Variants in AVEN observed in about 807,000 individuals in gnomAD.
AVEN encodes the protein cell death regulator Aven.
In AVEN, 41 loss-of-function variants were observed where a neutral mutation model predicts 38.1. The observed-to-expected ratio is 1.08, with a 90% CI of 0.84 to 1.40. AVEN has a LOEUF of 1.40. AVEN is among the 40% of genes most tolerant of loss of function. The pLI, the probability that AVEN is intolerant of heterozygous loss-of-function variation, is 0.00. For synonymous variants in AVEN, 206 were observed against 171.8 expected, an observed-to-expected ratio of 1.20 and a Z score of -1.56; for missense variants, 605 against 438.8, an observed-to-expected ratio of 1.38 and a Z score of -3.38.
chr15:33,875,900 A>G, intron 3 of AVEN, 25 bp downstream of exon 3: 1 of 1,602,314 alleles, frequency 6.2e-7, no homozygotes, highest in Non-Finnish European at 8.5e-7. Flanking sequence ...GAGCCAGTCC[A>G]CACTTAACAC....
At chr15:33,940,757 G>C (rs1371465849) in intron 2 of AVEN, among the ~76,000 whole-genome samples, 1 of 152,088 alleles carries the variant, frequency 6.6e-6, no homozygotes. Context: ...GGCCAGGCTG[G>C]TCTCAAACTC....
chr15:33,999,348 C>T (rs1044628854), intron 2 of AVEN, among the ~76,000 whole-genome samples: 1 of 152,188 alleles, frequency 6.6e-6, no homozygotes, highest in Non-Finnish European at 1.5e-5. Flanking sequence ...CAACACAGCA[C>T]TACCTCAGTG....
intron 4 of AVEN, among the ~76,000 whole-genome samples, chr15:33,870,563 T>G (rs1890900834): frequency 6.6e-6 from 1 of 152,208 alleles, no homozygotes; most frequent in Admixed American, 6.5e-5. Context: ...TTGATTAATA[T>G]TCATCCTTCC....
intron 2 of AVEN, among the ~76,000 whole-genome samples, chr15:33,940,250 C>A (rs1439353809): frequency 6.6e-6 from 1 of 152,226 alleles, no homozygotes; most frequent in East Asian, 1.9e-4. Context: ...AAGTCTGCAG[C>A]TCAGTTTCCT....
At chr15:33,917,559 T>C (rs1893198041) in intron 2 of AVEN, among the ~76,000 whole-genome samples, 1 of 99,940 alleles carries the variant, frequency 1.0e-5, no homozygotes, top group African/African-American at 2.9e-5. Context: ...CACATGTGTA[T>C]GTATACACAC....
chr15:33,989,393 T>A (rs905495963), intron 2 of AVEN, among the ~76,000 whole-genome samples: 2 of 151,592 alleles, frequency 1.3e-5, no homozygotes, highest in Admixed American at 6.6e-5. Flanking sequence ...TCGTCACAAC[T>A]ACCCCTAGAT....
chr15:33,968,738 G>C (rs1377013546), intron 2 of AVEN: 1 of 152,044 alleles, frequency 6.6e-6, no homozygotes, highest in Admixed American at 6.6e-5. Context: ...GTTTTTTAAA[G>C]CAGCTTGATT....
At chr15:33,957,730 A>T (rs1895010880) in intron 2 of AVEN, among the ~76,000 whole-genome samples, 1 of 152,000 alleles carries the variant, frequency 6.6e-6, no homozygotes, top group Admixed American at 6.6e-5. Context: ...TATGAAAAAA[A>T]AAAAAGCCAG....
At chr15:33,865,111 CGTT>C (rs771271239), downstream of AVEN, 10 of 1,581,288 alleles carry the variant, frequency 6.3e-6, no homozygotes, top group Admixed American at 8.4e-5. Flanking sequence ...AATAAGCACC[CGTT>C]GTTCATATTA....
At chr15:33,983,897 C>A (rs1896305488) in intron 2 of AVEN, among the ~76,000 whole-genome samples, 1 of 151,218 alleles carries the variant, frequency 6.6e-6, no homozygotes, top group Non-Finnish European at 1.5e-5. Context: ...TTAGGGTATT[C>A]TCCCCCAGAA....
intron 5 of AVEN, among the ~76,000 whole-genome samples, chr15:34,056,888 A>C (rs1044848115): frequency 2.6e-5 from 4 of 152,070 alleles, no homozygotes; most frequent in Admixed American, 6.6e-5. Context: ...ACCAGAAAAA[A>C]ATTAGCTAGG....
chr15:33,945,740 C>T lies in AVEN; in HGVS notation c.445+57292G>A, dbSNP rs950001083. 3.3e-5 allele frequency among the ~76,000 whole-genome samples: 5 copies of T among 152,076 alleles called. No homozygotes were observed. In the East Asian group the frequency reaches 7.7e-4, roughly 23 times the overall value. On this transcript the variant is annotated intron_variant, in intron 2 of 5. Coordinates refer to ENST00000306730, the MANE Select transcript of AVEN (RefSeq NM_020371.3). ...AGCTGGGACTACAGGTGCACACCACCACGCCTGGCTAATTTTTTTGTATTT... is the reference window on the plus strand; with the variant it reads ...AGCTGGGACTACAGGTGCACACCACTACGCCTGGCTAATTTTTTTGTATTT...
intron 5 of AVEN, among the ~76,000 whole-genome samples, chr15:34,057,326 T>C (rs1900195210): frequency 6.6e-6 from 1 of 151,528 alleles, no homozygotes; most frequent in Non-Finnish European, 1.5e-5. Context: ...GTATTTTTAG[T>C]AGAGACGGGG....
At chr15:33,854,281 A>G (rs913971271), downstream of AVEN, 3 of 792,878 alleles carry the variant, frequency 3.8e-6, no homozygotes, top group Non-Finnish European at 6.2e-6. Flanking sequence ...GCTGAGAGCC[A>G]TATTTAGGTT....
chr15:34,073,276 C>T (rs1381803204), intron 1 of AVEN, among the ~76,000 whole-genome samples: 1 of 141,308 alleles, frequency 7.1e-6, no homozygotes, highest in African/African-American at 2.7e-5. Flanking sequence ...AGGATGGTCT[C>T]GATTTCCTGA....
intron 2 of AVEN, among the ~76,000 whole-genome samples, chr15:33,951,076 G>C (rs1894723016): frequency 6.7e-6 from 1 of 150,052 alleles, no homozygotes; most frequent in East Asian, 2.0e-4. Context: ...GGAGGGAAGA[G>C]GCGAGTGGGG....
intron 2 of AVEN, among the ~76,000 whole-genome samples, chr15:33,886,855 C>T (rs1271128220): frequency 6.6e-6 from 1 of 152,172 alleles, no homozygotes; most frequent in Non-Finnish European, 1.5e-5. Context: ...CCCAGGCTCC[C>T]CCTATTGCTC....
chr15:33,957,491 C>T (rs776031132), intron 2 of AVEN, among the ~76,000 whole-genome samples: 1 of 152,106 alleles, frequency 6.6e-6, no homozygotes, highest in Non-Finnish European at 1.5e-5. Flanking sequence ...CCTACTCCTA[C>T]GTATTTACCC....
chr15:33,942,673 G>C (rs942935707), intron 2 of AVEN, among the ~76,000 whole-genome samples: 1 of 152,050 alleles, frequency 6.6e-6, no homozygotes, highest in African/African-American at 2.4e-5. Flanking sequence ...GGATGGTCTC[G>C]ATCTCCTGAC....
Sources: gnomAD v4.1 joint callset for allele counts (sites outside exome capture counted in the v4.1 genomes callset) on GRCh38, gnomAD v4.1.1 for gene constraint, MANE v1.5 for transcripts, NCBI Gene and HGNC (gene_info 2026-07-23, HGNC 2026-07-21) for gene names.